SCAF8: variants seen among roughly 807,000 people sequenced by gnomAD.
SCAF8 encodes the protein SR-related and CTD-associated factor 8.
In SCAF8, 23 loss-of-function variants were observed where a neutral mutation model predicts 140.5. That is an observed-to-expected ratio of 0.16 (90% CI 0.12 to 0.23). The LOEUF is 0.23. Among genes scored for constraint, SCAF8 ranks in the 10% least tolerant of loss-of-function variants. The pLI, the probability that SCAF8 is intolerant of heterozygous loss-of-function variation, is 1.00. For missense variants in SCAF8, 1,397 were observed against 1,555.7 expected (o/e 0.90, Z 1.72); for synonymous variants, 575 against 528.9 (o/e 1.09, Z -1.20).
intron 12 of SCAF8, among the ~76,000 whole-genome samples, chr6:154,812,176 CTTTTTTTTTTTT>C (rs67493657): frequency 9.4e-6 from 1 of 106,404 alleles, no homozygotes; most frequent in African/African-American, 3.8e-5. Flanking sequence ...AAGATACTGC[CTTTTTTTTTTTT>C]TTTTTTTTTT....
chr6:154,803,490 T>G, intron 7 of SCAF8, 54 bp from the exon 8 acceptor site: 6 of 1,208,370 alleles, frequency 5.0e-6, no homozygotes, highest in Non-Finnish European at 7.4e-6. Flanking sequence ...CATTTGTAAC[T>G]TGTATTTGTG....
At chr6:154,800,072 C>A (rs535530693) in intron 6 of SCAF8, among the ~76,000 whole-genome samples, 1 of 151,508 alleles carries the variant, frequency 6.6e-6, no homozygotes, top group Non-Finnish European at 1.5e-5. Flanking sequence ...AGACATGAGC[C>A]ACCGCACCTG....
intron 1 of SCAF8, among the ~76,000 whole-genome samples, chr6:154,740,392 C>G (rs915945202): frequency 1.3e-5 from 2 of 152,016 alleles, no homozygotes; most frequent in Admixed American, 1.3e-4. Flanking sequence ...GCACAGTGAC[C>G]CTGGTCCAGA....
chr6:154,778,956 A>G (rs1029098423), intron 3 of SCAF8, among the ~76,000 whole-genome samples: 5 of 152,210 alleles, frequency 3.3e-5, no homozygotes, highest in African/African-American at 1.2e-4. Context: ...TTTTAAAAGC[A>G]TTTCTCAGAG....
intron 3 of SCAF8, among the ~76,000 whole-genome samples, 160 bp from the exon 4 acceptor site, chr6:154,787,701 A>G (rs1777293812): frequency 6.6e-6 from 1 of 152,228 alleles, no homozygotes. Flanking sequence ...TTAAAATGCC[A>G]TTCCAGAAAC....
At chr6:154,798,231 G>T (rs368573619) in intron 6 of SCAF8, among the ~76,000 whole-genome samples, 38 of 151,562 alleles carry the variant, frequency 2.5e-4, no homozygotes, top group African/African-American at 6.0e-4. Context: ...TAGAAAAGAA[G>T]GGCTTTGGAA....
intron 1 of SCAF8, among the ~76,000 whole-genome samples, chr6:154,768,065 G>C (rs1776633123): frequency 6.6e-6 from 1 of 152,064 alleles, no homozygotes; most frequent in Non-Finnish European, 1.5e-5. Flanking sequence ...AAGATAAAAA[G>C]GTATTTCATA....
intron 1 of SCAF8, among the ~76,000 whole-genome samples, chr6:154,749,620 A>G (rs1778791376): frequency 6.6e-6 from 1 of 152,178 alleles, no homozygotes; most frequent in South Asian, 2.1e-4. Context: ...GGGTGGAGGC[A>G]TTGTGTGCAA....
chr6:154,769,886 A>G (rs1776687454), intron 1 of SCAF8, among the ~76,000 whole-genome samples: 1 of 152,182 alleles, frequency 6.6e-6, no homozygotes. Flanking sequence ...CTGTTCTTAG[A>G]CCTTATTCTC....
At chr6:154,764,608 A>G (rs1776508983) in intron 1 of SCAF8, among the ~76,000 whole-genome samples, 1 of 152,162 alleles carries the variant, frequency 6.6e-6, no homozygotes, top group Non-Finnish European at 1.5e-5. Context: ...GCCACTTAAG[A>G]CTTTGGAAAA....
intron 18 of SCAF8, among the ~76,000 whole-genome samples, chr6:154,830,166 C>T (rs1583074240): frequency 6.6e-6 from 1 of 152,172 alleles, no homozygotes; most frequent in African/African-American, 2.4e-5. Context: ...ATTTAATTCT[C>T]TTAATTCTTG....
chr6:154,793,901 T>TTC (rs1554261631), intron 5 of SCAF8, among the ~76,000 whole-genome samples: 6 of 74,598 alleles, frequency 8.0e-5, no homozygotes, highest in Admixed American at 1.3e-4. Context: ...TGTATGTATT[T>TTC]TGTGTGTGTG....
chr6:154,801,520 T>G (rs930787255), intron 6 of SCAF8, among the ~76,000 whole-genome samples: 1 of 151,482 alleles, frequency 6.6e-6, no homozygotes, highest in Non-Finnish European at 1.5e-5. Context: ...CTATTATTAA[T>G]AACTAGTTGC....
chr6:154,745,266 T>C (rs1451447250), intron 1 of SCAF8, among the ~76,000 whole-genome samples: 1 of 152,238 alleles, frequency 6.6e-6, no homozygotes, highest in Non-Finnish European at 1.5e-5. Flanking sequence ...TTGGGTTCTA[T>C]ATTTTTGGCA....
At position 154,803,629 on chromosome 6, in the gene SCAF8, A is replaced by G; in HGVS notation, c.863+6A>G. On this transcript the variant is annotated splice_donor_region_variant and intron_variant, in intron 8 of 19. Transcript: ENST00000367178. ...GAAATTCCAGCTTCACAACTGTAAG[A>G]ATTTTTTCTTTATAGCCATAGTTTT... The G allele has an allele frequency of 1.3e-6, 2 of 1,593,380 alleles. No homozygotes were observed. Among genetic ancestry groups the G allele is most frequent in the Non-Finnish European group, 1.7e-6 (2 of 1,163,324 alleles).
At chr6:154,799,047 G>C (rs1475878018) in intron 6 of SCAF8, among the ~76,000 whole-genome samples, 1 of 150,536 alleles carries the variant, frequency 6.6e-6, no homozygotes, top group Admixed American at 6.6e-5. Context: ...AAATGGCGCT[G>C]TCTCGGCTCA....
In SCAF8 at chr6:154,793,843, T is replaced by G. The variant is rs1777501045; in HGVS notation, c.475+867T>G. Among the ~76,000 whole-genome samples the G allele has an allele frequency of 2.6e-5, 4 of 151,804 alleles. No individual in the cohort carries two copies. In the South Asian group the frequency reaches 8.3e-4, roughly 32 times the overall value. Reference sequence around the variant, plus strand: ...AAAAAAAAAAAAAAAAAAAAAATTTTTTTAAATCATAGTTCCAAGAATTAA... The same window carrying G: ...AAAAAAAAAAAAAAAAAAAAAATTTGTTTAAATCATAGTTCCAAGAATTAA... On this transcript the variant is annotated intron_variant, in intron 5 of 19. Transcript: ENST00000367178.
chr6:154,810,243 A>G (rs552055673), intron 12 of SCAF8, 35 bp downstream of exon 12: 5 of 1,446,014 alleles, frequency 3.5e-6, no homozygotes, highest in Non-Finnish European at 4.7e-6. Context: ...TTTGGTTTCA[A>G]TTAATATTTA....
intron 1 of SCAF8, among the ~76,000 whole-genome samples, chr6:154,743,981 T>A (rs1490713633): frequency 6.6e-6 from 1 of 151,556 alleles, no homozygotes; most frequent in Non-Finnish European, 1.5e-5. Context: ...GTACTTTTAA[T>A]TTACCAAACA....
Sources: allele counts gnomAD v4.1 joint callset (sites outside exome capture counted in the v4.1 genomes callset), GRCh38; gene constraint gnomAD v4.1.1; transcripts MANE v1.5; gene names NCBI Gene and HGNC (gene_info 2026-07-23, HGNC 2026-07-21).